Variants in CORIN observed in about 807,000 individuals in gnomAD.
CORIN encodes the protein atrial natriuretic peptide-converting enzyme.
A neutral mutation model predicts 125.3 loss-of-function variants in CORIN; 117 were observed. The observed-to-expected ratio is 0.93, with a 90% confidence interval of 0.80 to 1.09. CORIN has a LOEUF of 1.09. Ranked by LOEUF, CORIN falls within the 50% of genes least tolerant of loss-of-function variation. The probability of loss-of-function intolerance (pLI) is 0.00; values close to 1 mark genes in which losing one functional copy is unlikely to be tolerated. For synonymous variants in CORIN, 450 were observed against 466.4 expected (o/e 0.96, Z 0.45); for missense variants, 1,253 against 1,306.7 (o/e 0.96, Z 0.63).
chr4:47,757,314 C>T (rs1211772283), intron 4 of CORIN, among the ~76,000 whole-genome samples: 1 of 152,034 alleles, frequency 6.6e-6, no homozygotes, highest in African/African-American at 2.4e-5. Context: ...AAATGCAGGG[C>T]CAGGAGTGGT....
intron 16 of CORIN, among the ~76,000 whole-genome samples, chr4:47,640,451 G>GAA (rs1723192919): frequency 6.6e-6 from 1 of 152,174 alleles, no homozygotes; most frequent in Non-Finnish European, 1.5e-5. Flanking sequence ...TATAGAGGCA[G>GAA]AAAGCAGATT....
chr4:47,746,089 G>A (rs1474262490), intron 4 of CORIN, among the ~76,000 whole-genome samples: 4 of 152,144 alleles, frequency 2.6e-5, no homozygotes, highest in Non-Finnish European at 5.9e-5. Flanking sequence ...GAAGACACCC[G>A]AAATATATTA....
chr4:47,624,097 A>G, intron 17 of CORIN, 149 bp from the exon 18 acceptor site: 1 of 681,270 alleles, frequency 1.5e-6, no homozygotes, highest in Non-Finnish European at 2.5e-6. Context: ...ACAGGAAAGC[A>G]CATTCCTCTT....
intron 19 of CORIN, among the ~76,000 whole-genome samples, chr4:47,608,297 G>A (rs1047876372): frequency 1.3e-5 from 2 of 152,142 alleles, no homozygotes; most frequent in Non-Finnish European, 2.9e-5. Context: ...TCCAGCCTGG[G>A]TGACAAGAGC....
chr4:47,640,979 A>G (rs61759684), intron 16 of CORIN, among the ~76,000 whole-genome samples: 49 of 152,234 alleles, frequency 3.2e-4, no homozygotes, highest in Non-Finnish European at 6.3e-4. Flanking sequence ...CCACTCTCAC[A>G]AAGTTTAAAA....
chr4:47,679,876 G>A (rs181520872), intron 8 of CORIN: 100 of 318,002 alleles, frequency 3.1e-4, no homozygotes, highest in Non-Finnish European at 4.5e-4. Flanking sequence ...ATGGAGCAAC[G>A]AGAGAGAAAA....
chr4:47,788,002 T>G (rs556339197), intron 2 of CORIN, among the ~76,000 whole-genome samples: 14 of 152,376 alleles, frequency 9.2e-5, no homozygotes, highest in African/African-American at 3.1e-4. Flanking sequence ...CACCTTGCTT[T>G]GTCTTTAGGA....
intron 4 of CORIN, among the ~76,000 whole-genome samples, chr4:47,756,949 T>C (rs1309644734): frequency 7.2e-5 from 11 of 152,238 alleles, no homozygotes; most frequent in Admixed American, 6.5e-4. Flanking sequence ...TATGATATAG[T>C]TGATCAGGAT....
intron 16 of CORIN, among the ~76,000 whole-genome samples, chr4:47,635,682 CTG>C (rs1208963999): frequency 6.6e-6 from 1 of 152,124 alleles, no homozygotes; most frequent in East Asian, 1.9e-4. Flanking sequence ...TCAGTCCAAA[CTG>C]TAAAATAGTA....
At chr4:47,658,954 G>A (rs1450374830) in intron 12 of CORIN, among the ~76,000 whole-genome samples, 1 of 152,170 alleles carries the variant, frequency 6.6e-6, no homozygotes, top group Admixed American at 6.5e-5. Context: ...ACGCAGCCAG[G>A]CTATCTCTTG....
chr4:47,629,458 GT>G (rs564496868), intron 16 of CORIN, among the ~76,000 whole-genome samples: 2 of 152,104 alleles, frequency 1.3e-5, no homozygotes, highest in South Asian at 4.2e-4. Flanking sequence ...TGGATATATG[GT>G]TTTTTTAAAT....
chr4:47,620,335 A>T (rs1267723172), intron 19 of CORIN, among the ~76,000 whole-genome samples: 1 of 152,226 alleles, frequency 6.6e-6, no homozygotes. Flanking sequence ...GTGGGGAATA[A>T]TTTTAAAACT....
intron 6 of CORIN, among the ~76,000 whole-genome samples, chr4:47,690,113 G>A (rs767630744): frequency 4.6e-5 from 7 of 152,172 alleles, no homozygotes; most frequent in Non-Finnish European, 5.9e-5. Context: ...TACCTGGAGT[G>A]CTCTTTAATA....
In CORIN at chr4:47,680,230, T is replaced by G. The variant is rs1399284203; in HGVS notation, c.1043A>C (p.His348Pro). The change falls in exon 8 of 22, where the codon CAT (histidine) becomes CCT (proline). Residue 348 changes from histidine to proline, a missense_variant. Transcript: ENST00000273857. ...GATGCAGCGCCCGTCCCCGCAGCGATGCTCTGTTGTGGGATTGCAATCTGG... is the reference window on the plus strand; with the variant it reads ...GATGCAGCGCCCGTCCCCGCAGCGAGGCTCTGTTGTGGGATTGCAATCTGG... ...QNCDCNPTTEHRCGDGRCIAM... is the reference protein window; with the variant it reads ...QNCDCNPTTEPRCGDGRCIAM... 6.2e-7 allele frequency: 1 copy of G among 1,613,706 alleles called. No homozygotes were observed. The highest frequency in any genetic ancestry group is 8.5e-7 in the Non-Finnish European group (1 of 1,179,794).
rs1481345562 is a variant in CORIN at position 47,595,478 on chromosome 4, A to G, written c.*243T>C. 2 of 306,992 alleles carry G rather than the reference A, an allele frequency of 6.5e-6. No homozygotes were observed. The highest frequency in any genetic ancestry group is 4.3e-5 in the African/African-American group (2 of 46,256). 19.0% of individuals were successfully genotyped at this position (306,992 alleles called of 1,614,324 possible). ...AGTCATGGTTAGGCCTGGCAAAAGG[A>G]CAAAGTCTGCTTTGTTTGCTTTTGT... On this transcript the variant is annotated 3_prime_UTR_variant, in exon 22 of 22. Transcript: ENST00000273857.
chr4:47,734,786 T>A (rs1577874808), intron 5 of CORIN, among the ~76,000 whole-genome samples: 1 of 152,222 alleles, frequency 6.6e-6, no homozygotes. Context: ...CATTGTAGGA[T>A]GTTTGGCAGC....
At chr4:47,758,195 G>A (rs1729277748) in intron 4 of CORIN, among the ~76,000 whole-genome samples, 1 of 151,896 alleles carries the variant, frequency 6.6e-6, no homozygotes, top group African/African-American at 2.4e-5. Flanking sequence ...TTACAGGTGT[G>A]AGCCACCACG....
At chr4:47,778,102 T>C (rs1388560708) in intron 3 of CORIN, among the ~76,000 whole-genome samples, 1 of 152,246 alleles carries the variant, frequency 6.6e-6, no homozygotes, top group Non-Finnish European at 1.5e-5. Context: ...CATGCTACTG[T>C]TTTGCTTGTT....
At chr4:47,628,161 A>C (rs1328858235) in intron 16 of CORIN, among the ~76,000 whole-genome samples, 1 of 152,170 alleles carries the variant, frequency 6.6e-6, no homozygotes, top group Non-Finnish European at 1.5e-5. Context: ...CATGTTTCTC[A>C]TGCACAAACA....
Sources: gnomAD v4.1 joint callset for allele counts (sites outside exome capture counted in the v4.1 genomes callset) on GRCh38, gnomAD v4.1.1 for gene constraint, MANE v1.5 for transcripts, NCBI Gene and HGNC (gene_info 2026-07-23, HGNC 2026-07-21) for gene names.